The following RTN3 variants were observed in gnomAD, a reference collection of about 807,000 sequenced individuals.
RTN3 encodes the protein reticulon-3.
RTN3 carries 49 observed loss-of-function variants against 77.8 expected under a neutral mutation model. The ratio of observed to expected loss-of-function variants is 0.63; its 90% CI spans 0.50 to 0.80. The LOEUF (loss-of-function observed/expected upper bound fraction) is 0.80, where lower values mean the gene tolerates loss of function less well. Among genes scored for constraint, RTN3 ranks in the 30% least tolerant of loss-of-function variants. RTN3 has a pLI of 0.00. For synonymous variants in RTN3, 464 were observed against 446.9 expected, an observed-to-expected ratio of 1.04 and a Z score of -0.48; for missense variants, 1,236 against 1,211.9, an observed-to-expected ratio of 1.02 and a Z score of -0.29.
At position 63,719,444 on chromosome 11, in the gene RTN3, GT is replaced by G; in HGVS notation, c.946del (p.Ser316HisfsTer14). On this transcript the variant is annotated frameshift_variant, in exon 3 of 9. Transcript: ENST00000377819. LOFTEE classifies it high-confidence loss of function. Reference sequence around the variant, plus strand: ...CAATGTCTGCATTGCTCAGTAGGCAGTTTTCACACACAAATGCAGCACTGGA... The same window carrying G: ...CAATGTCTGCATTGCTCAGTAGGCAGTTTCACACACAAATGCAGCACTGGA... ...YPMSALLSRQ[F>X]SHTNAALEEV... The G allele has an allele frequency of 6.2e-7, 1 of 1,614,104 alleles. No individual in the cohort carries two copies. The highest frequency in any genetic ancestry group is 8.5e-7 in the Non-Finnish European group (1 of 1,180,010).
rs551715802 is a variant in RTN3, at chr11:63,748,948, G to A, written c.2531-1043G>A. Among the ~76,000 whole-genome samples the A allele has an allele frequency of 3.7e-3, 557 of 152,046 alleles. 4 individuals are homozygous for A. Among genetic ancestry groups the A allele is most frequent in the African/African-American group, 0.013 (524 of 41,512 alleles). On this transcript the variant is annotated intron_variant, in intron 3 of 8. Transcript: ENST00000377819. ...CTCCCAAAGTGCCAGGATTACAGGCGTGAGCCACCATGCCCGGCCCCCACT... is the reference window on the plus strand; with the variant it reads ...CTCCCAAAGTGCCAGGATTACAGGCATGAGCCACCATGCCCGGCCCCCACT...
At chr11:63,754,944 A>AAAT (rs71039671) in intron 7 of RTN3, among the ~76,000 whole-genome samples, 1 of 149,834 alleles carries the variant, frequency 6.7e-6, no homozygotes, top group Admixed American at 6.7e-5. Context: ...AAAAAAAAAA[A>AAAT]TGCTTAGATG....
At chr11:63,737,233 T>C (rs1005990464) in intron 3 of RTN3, among the ~76,000 whole-genome samples, 9 of 152,196 alleles carry the variant, frequency 5.9e-5, no homozygotes, top group Non-Finnish European at 1.2e-4. Flanking sequence ...CCAAAAAACT[T>C]TTCCAAGAAT....
intron 5 of RTN3, 26 bp from the exon 6 acceptor site, chr11:63,753,043 C>T (rs1364963413): frequency 1.2e-6 from 2 of 1,609,198 alleles, no homozygotes; most frequent in Non-Finnish European, 1.7e-6. Flanking sequence ...GTTATTCCTG[C>T]TTAACTTTTG....
At chr11:63,744,179 T>G (rs776840087) in intron 3 of RTN3, among the ~76,000 whole-genome samples, 1 of 135,746 alleles carries the variant, frequency 7.4e-6, no homozygotes, top group Admixed American at 8.8e-5. Context: ...GAGGCAGAGA[T>G]TGCAGTGAGC....
rs1336568329 is a variant in RTN3, at chr11:63,688,136, A to T, written c.142+6358A>T. 2.0e-5 allele frequency among the ~76,000 whole-genome samples: 3 copies of T among 152,178 alleles called. No individual in the cohort carries two copies. The East Asian group carries it at 5.8e-4, about 29-fold the overall frequency. ...CAGCACAGAGGCAAGCATACAGGAG[A>T]CAGCAAGAATGGTCATGTCAATATG... On this transcript the variant is annotated intron_variant, in intron 1 of 8. Coordinates refer to ENST00000377819, the MANE Select transcript of RTN3 (RefSeq NM_001265589.2).
chr11:63,718,202 A>G (rs1565319176), intron 2 of RTN3, among the ~76,000 whole-genome samples: 1 of 152,162 alleles, frequency 6.6e-6, no homozygotes, highest in Non-Finnish European at 1.5e-5. Context: ...AAGTCTGGCC[A>G]CTAGTTTTTT....
intron 1 of RTN3, among the ~76,000 whole-genome samples, chr11:63,692,023 C>A (rs1941686182): frequency 6.6e-6 from 1 of 152,136 alleles, no homozygotes; most frequent in Non-Finnish European, 1.5e-5. Flanking sequence ...CCTTTCTCAC[C>A]TGGCTTCAAC....
Position 63,739,147 on chromosome 11 carries a change from C to A in RTN3, c.2531-10844C>A, listed in dbSNP as rs1331813283. Among the ~76,000 whole-genome samples the A allele has an allele frequency of 2.6e-5, 4 of 152,052 alleles. No individual in the cohort carries two copies. In the East Asian group the frequency reaches 7.7e-4, roughly 29 times the overall value. The stretch of plus-strand genomic sequence containing the variant: ...CAGCAACGTAAACTCTTGGTGCAGA[C>A]ATTCCTTGTCAGATGTTTCATCTGT... On this transcript the variant is annotated intron_variant, in intron 3 of 8. Transcript: ENST00000377819.
At position 63,720,033 on chromosome 11, in the gene RTN3, G is replaced by A. The variant is rs1347911885; in HGVS notation, c.1531G>A (p.Asp511Asn). 1.2e-6 allele frequency: 2 copies of A among 1,614,144 alleles called. No homozygotes were observed. Among genetic ancestry groups the A allele is most frequent in the East Asian group, 2.2e-5 (1 of 44,886 alleles). Residue 511 changes from aspartate (D) to asparagine (N), a missense_variant, in exon 3 of 9, where the codon GAT becomes AAT. Physicochemically the swap from Asp to Asn is conservative, Grantham distance 23. Transcript: ENST00000377819. ...DDTVIEDITA[D>N]TSFENNKIQA... ...CACAGTAATAGAGGACATCACAGCAGATACATCATTTGAAAATAACAAAAT... is the reference window on the plus strand; with the variant it reads ...CACAGTAATAGAGGACATCACAGCAAATACATCATTTGAAAATAACAAAAT...
intron 1 of RTN3, among the ~76,000 whole-genome samples, chr11:63,700,124 G>A (rs973232651): frequency 5.9e-5 from 9 of 152,156 alleles, no homozygotes; most frequent in Non-Finnish European, 1.2e-4. Context: ...CAGCTGGCAT[G>A]CTCATAGGCT....
intron 2 of RTN3, among the ~76,000 whole-genome samples, chr11:63,715,315 A>G (rs1401873920): frequency 6.6e-6 from 1 of 152,170 alleles, no homozygotes; most frequent in African/African-American, 2.4e-5. Context: ...GTAGACTTTC[A>G]TCTGTAAGAT....
chr11:63,720,232 C>CTAG lies in RTN3; in HGVS notation c.1732_1734dup (p.Ser578dup). 6.2e-7 allele frequency: 1 copy of CTAG among 1,614,082 alleles called. No individual in the cohort carries two copies. The highest frequency in any genetic ancestry group is 8.5e-7 in the Non-Finnish European group (1 of 1,179,978). On this transcript the variant is annotated inframe_insertion, in exon 3 of 9. Coordinates refer to ENST00000377819, the MANE Select transcript of RTN3 (RefSeq NM_001265589.2). ...CCTGATATTCTTGGAAGGAGTCCAG[C>CTAG]TAGTGAGGCAGCATGTTCAAAAGTA...
chr11:63,681,454 G>A (rs760432898), upstream of RTN3: 27 of 546,684 alleles, frequency 4.9e-5, no homozygotes, highest in Non-Finnish European at 6.6e-5. Flanking sequence ...TTGTGCGCAT[G>A]CGCGCTCGCG....
intron 2 of RTN3, chr11:63,713,863 T>G (rs1192381199): frequency 2.1e-5 from 7 of 331,416 alleles, no homozygotes; most frequent in African/African-American, 6.5e-5. Flanking sequence ...AGACATTTTC[T>G]GAGACATAAA....
At chr11:63,687,365 A>G (rs1941427799) in intron 1 of RTN3, among the ~76,000 whole-genome samples, 1 of 152,170 alleles carries the variant, frequency 6.6e-6, no homozygotes, top group Non-Finnish European at 1.5e-5. Flanking sequence ...GCCTGTAATC[A>G]CAGCACTTTG....
chr11:63,719,650 C>T lies in RTN3; in HGVS notation c.1148C>T (p.Thr383Ile), dbSNP rs201348110. ...CCAGTTGTAAATCTTAAAACTAGCA[C>T]TCATCAGAAAACTCCTGTATGTTCT... ...EIPVVNLKTSTHQKTPVCSID... is the reference protein window; with the variant it reads ...EIPVVNLKTSIHQKTPVCSID... Residue 383 changes from threonine to isoleucine, a missense_variant, in exon 3 of 9, where the codon ACT (threonine) becomes ATT (isoleucine). Transcript: ENST00000377819. 1.0e-4 allele frequency: 169 copies of T among 1,613,832 alleles called. 1 individual carries two copies. The highest frequency in any genetic ancestry group is 1.0e-4 in the Non-Finnish European group (121 of 1,179,990).
chr11:63,707,783 G>A (rs1330740162), intron 2 of RTN3, among the ~76,000 whole-genome samples: 2 of 152,096 alleles, frequency 1.3e-5, no homozygotes, highest in Non-Finnish European at 1.5e-5. Context: ...GCAGTGAGCC[G>A]AGATCACGCT....
chr11:63,752,398 C>A, intron 4 of RTN3, 109 bp from the exon 5 acceptor site: 3 of 1,012,330 alleles, frequency 3.0e-6, no homozygotes, highest in Non-Finnish European at 4.4e-6. Flanking sequence ...AATGCTCCTA[C>A]AGGTTCTAAC....
Sources: gnomAD v4.1 joint callset for allele counts (sites outside exome capture counted in the v4.1 genomes callset) on GRCh38, gnomAD v4.1.1 for gene constraint, MANE v1.5 for transcripts, NCBI Gene and HGNC (gene_info 2026-07-23, HGNC 2026-07-21) for gene names.